The following NEK10 variants were observed in gnomAD, a reference collection of about 807,000 sequenced individuals.
NEK10 encodes NIMA related kinase 10, also known as serine/threonine-protein kinase Nek10.
A neutral mutation model predicts 159.8 loss-of-function variants in NEK10; 122 were observed. The observed-to-expected ratio is 0.76, with a 90% CI of 0.66 to 0.89. The LOEUF (loss-of-function observed/expected upper bound fraction) is 0.89. NEK10 is among the 40% of genes least tolerant of loss of function. NEK10 has a pLI of 0.00. For missense variants in NEK10, 1,342 were observed against 1,323.1 expected, an observed-to-expected ratio of 1.01 and a Z score of -0.22; for synonymous variants, 466 against 457.1, an observed-to-expected ratio of 1.02 and a Z score of -0.25.
At chr3:27,341,384 T>C (rs1022283880) in intron 5 of NEK10, among the ~76,000 whole-genome samples, 4 of 152,168 alleles carry the variant, frequency 2.6e-5, no homozygotes, top group African/African-American at 9.6e-5. Flanking sequence ...ATCCTCAAAG[T>C]GATGTGGGCA....
intron 23 of NEK10, among the ~76,000 whole-genome samples, chr3:27,217,775 C>T (rs1237694983): frequency 6.6e-6 from 1 of 152,028 alleles, no homozygotes; most frequent in Non-Finnish European, 1.5e-5. Context: ...AACCCAGCAA[C>T]ATATAAAAAG....
At chr3:27,173,926 A>G (rs1947258561) in intron 28 of NEK10, among the ~76,000 whole-genome samples, 1 of 152,064 alleles carries the variant, frequency 6.6e-6, no homozygotes, top group Admixed American at 6.6e-5. Flanking sequence ...ACTGTTTTAA[A>G]TTAAGAGTCA....
At chr3:27,344,151 C>T in intron 5 of NEK10, 121 bp downstream of exon 5, 3 of 533,282 alleles carry the variant, frequency 5.6e-6, no homozygotes, top group South Asian at 3.2e-5. Flanking sequence ...ACTCATTTGC[C>T]TCCTTCTTTC....
chr3:27,175,729 C>T (rs1209602936), intron 26 of NEK10, among the ~76,000 whole-genome samples: 1 of 151,996 alleles, frequency 6.6e-6, no homozygotes, highest in Non-Finnish European at 1.5e-5. Flanking sequence ...ACAGTGCTGG[C>T]AAAGTAAAGC....
intron 9 of NEK10, chr3:27,310,668 G>T: frequency 3.3e-6 from 1 of 298,766 alleles, no homozygotes; most frequent in Non-Finnish European, 6.1e-6. Context: ...TACATAGCTG[G>T]GGCTTTTCAA....
At chr3:27,138,988 G>A (rs1943508990) in intron 31 of NEK10, among the ~76,000 whole-genome samples, 1 of 152,176 alleles carries the variant, frequency 6.6e-6, no homozygotes, top group Non-Finnish European at 1.5e-5. Context: ...GTCCTTTACA[G>A]CTCAGCTGAA....
intron 10 of NEK10, 52 bp downstream of exon 10, chr3:27,308,874 C>G: frequency 1.2e-6 from 1 of 815,896 alleles, no homozygotes; most frequent in South Asian, 2.0e-5. Context: ...TCCTTACCAC[C>G]TAAATTGCTA....
chr3:27,253,743 C>T (rs984880285), intron 23 of NEK10, among the ~76,000 whole-genome samples: 2 of 152,168 alleles, frequency 1.3e-5, no homozygotes, highest in African/African-American at 4.8e-5. Context: ...GCCTAGGCAT[C>T]TCTATGGCAT....
intron 32 of NEK10, among the ~76,000 whole-genome samples, chr3:27,129,278 T>A (rs1184469907): frequency 6.6e-6 from 1 of 152,140 alleles, no homozygotes; most frequent in Non-Finnish European, 1.5e-5. Context: ...TATTAGTAAG[T>A]AGGCACAGTC....
intron 14 of NEK10, among the ~76,000 whole-genome samples, chr3:27,296,226 G>C (rs1229707414): frequency 1.3e-5 from 2 of 151,956 alleles, no homozygotes; most frequent in Non-Finnish European, 2.9e-5. Context: ...GATCTTTACT[G>C]TGTGCAGGCA....
chr3:27,251,115 C>T (rs1324842937), intron 23 of NEK10, among the ~76,000 whole-genome samples: 2 of 152,060 alleles, frequency 1.3e-5, no homozygotes, highest in Non-Finnish European at 2.9e-5. Context: ...GACATGGGCA[C>T]TATTATTATC....
At chr3:27,290,847 C>T (rs2042948761) in intron 18 of NEK10, 93 bp from the exon 19 acceptor site, 2 of 903,856 alleles carry the variant, frequency 2.2e-6, no homozygotes, top group East Asian at 4.9e-5. Context: ...AACAAAGTCA[C>T]ATGAGTAACT....
intron 23 of NEK10, among the ~76,000 whole-genome samples, chr3:27,210,217 G>T (rs1317366333): frequency 6.6e-6 from 1 of 152,124 alleles, no homozygotes; most frequent in Non-Finnish European, 1.5e-5. Context: ...CAAGGATGAG[G>T]GGCTGCATCT....
chr3:27,357,239 G>A (rs1284375972), intron 1 of NEK10, among the ~76,000 whole-genome samples: 2 of 152,108 alleles, frequency 1.3e-5, no homozygotes, highest in South Asian at 2.1e-4. Context: ...ACCAGAGAAT[G>A]GTGAGTTGTA....
intron 23 of NEK10, chr3:27,255,118 G>T: frequency 6.2e-6 from 1 of 160,170 alleles, no homozygotes. Context: ...ACACTTTTAT[G>T]ATCAAATTTT....
At chr3:27,338,297 C>T (rs561267812) in intron 5 of NEK10, among the ~76,000 whole-genome samples, 20 of 152,252 alleles carry the variant, frequency 1.3e-4, no homozygotes, top group Middle Eastern at 3.4e-3. Flanking sequence ...TAGTACTCCA[C>T]GGTGTATATG....
At chr3:27,120,940 A>G (rs1241321814) in intron 32 of NEK10, among the ~76,000 whole-genome samples, 1 of 152,236 alleles carries the variant, frequency 6.6e-6, no homozygotes, top group Admixed American at 6.5e-5. Flanking sequence ...GTACTATGCT[A>G]TAGTAGTTAG....
At position 27,352,483 on chromosome 3, in the gene NEK10, G is replaced by C; in HGVS notation, c.114C>G (p.Val38=). 1.2e-6 allele frequency: 2 copies of C among 1,611,168 alleles called. No individual in the cohort carries two copies. Among genetic ancestry groups the C allele is most frequent in the Non-Finnish European group, 1.7e-6 (2 of 1,177,546 alleles). The change falls in exon 3 of 36, where the codon GTC becomes GTG. Residue 38 remains valine (V), a synonymous_variant. Coordinates refer to ENST00000691995, the MANE Select transcript of NEK10 (RefSeq NM_001394966.1). ...ACGCTACCTGTTGTTTGCTTGATTG[G>C]ACGTTCAAAAGGCACCGAAGTCTTT... ...DLKRLRCLLN[V]QSSKQQLPAI...
At chr3:27,192,886 C>A (rs1371909801) in intron 25 of NEK10, among the ~76,000 whole-genome samples, 1 of 152,154 alleles carries the variant, frequency 6.6e-6, no homozygotes, top group Non-Finnish European at 1.5e-5. Context: ...AAAGGCACCA[C>A]AAAGAAGATG....
Sources: allele counts gnomAD v4.1 joint callset (sites outside exome capture counted in the v4.1 genomes callset), GRCh38; gene constraint gnomAD v4.1.1; transcripts MANE v1.5; gene names NCBI Gene and HGNC (gene_info 2026-07-23, HGNC 2026-07-21).